The following E2F3 variants were observed in gnomAD, a reference collection of about 807,000 sequenced individuals.
E2F3 encodes the protein E2F transcription factor 3, also known as transcription factor E2F3.
In E2F3, 11 loss-of-function variants were observed where a neutral mutation model predicts 44.4. The observed-to-expected ratio is 0.25, with a 90% confidence interval of 0.16 to 0.41. E2F3 has a LOEUF of 0.41. E2F3 is among the 10% of genes least tolerant of loss of function. E2F3 has a pLI of 1.00. For missense variants in E2F3, 487 were observed against 583.6 expected (o/e 0.83, Z 1.70); for synonymous variants, 249 against 253.0 (o/e 0.98, Z 0.15).
intron 1 of E2F3, among the ~76,000 whole-genome samples, chr6:20,438,840 C>T (rs1179781422): frequency 3.3e-5 from 5 of 152,116 alleles, no homozygotes; most frequent in East Asian, 3.8e-4. Context: ...AGACCCCAGC[C>T]GGAGTAATTG....
chr6:20,465,471 T>TTTA (rs1761670119), intron 1 of E2F3, among the ~76,000 whole-genome samples: 1 of 152,230 alleles, frequency 6.6e-6, no homozygotes, highest in Non-Finnish European at 1.5e-5. Flanking sequence ...CCCAATTTTT[T>TTTA]TTATTTTCCA....
intron 1 of E2F3, among the ~76,000 whole-genome samples, chr6:20,420,801 T>C (rs1760001759): frequency 1.3e-5 from 2 of 152,206 alleles, no homozygotes; most frequent in South Asian, 4.1e-4. Context: ...CTGTGGCAAT[T>C]TCTTCACATA....
chr6:20,465,239 CCTGA>C (rs1171532618), intron 1 of E2F3, among the ~76,000 whole-genome samples: 1 of 152,216 alleles, frequency 6.6e-6, no homozygotes, highest in Non-Finnish European at 1.5e-5. Flanking sequence ...GATTAATCTG[CCTGA>C]CTATTGCCCC....
At chr6:20,420,353 T>C (rs1201805660) in intron 1 of E2F3, among the ~76,000 whole-genome samples, 1 of 152,218 alleles carries the variant, frequency 6.6e-6, no homozygotes, top group Non-Finnish European at 1.5e-5. Flanking sequence ...TTGAATTCTT[T>C]ATCATTTTTG....
chr6:20,412,979 T>G (rs958963220), intron 1 of E2F3, among the ~76,000 whole-genome samples: 1 of 152,190 alleles, frequency 6.6e-6, no homozygotes, highest in African/African-American at 2.4e-5. Flanking sequence ...ATTATCCACA[T>G]AACAACCTAT....
intron 1 of E2F3, among the ~76,000 whole-genome samples, chr6:20,446,285 A>G (rs904962187): frequency 2.0e-5 from 3 of 152,200 alleles, no homozygotes; most frequent in African/African-American, 7.2e-5. Context: ...ATCTGACTTA[A>G]AAGTCCAGGA....
chr6:20,431,849 C>T (rs559676322), intron 1 of E2F3, among the ~76,000 whole-genome samples: 1 of 152,316 alleles, frequency 6.6e-6, no homozygotes, highest in East Asian at 1.9e-4. Flanking sequence ...TGGGTGGCTT[C>T]AACAGCAGAA....
intron 1 of E2F3, among the ~76,000 whole-genome samples, chr6:20,473,770 C>G (rs1761963532): frequency 6.6e-6 from 1 of 152,146 alleles, no homozygotes. Context: ...TGAAAAGAAC[C>G]CAGTACTTTC....
At chr6:20,488,274 G>C (rs756305879) in intron 6 of E2F3, 26 bp downstream of exon 6, 2 of 1,562,816 alleles carry the variant, frequency 1.3e-6, no homozygotes, top group Non-Finnish European at 1.7e-6. Flanking sequence ...TTGTCTTTTA[G>C]AAACTATGTT....
At chr6:20,461,970 G>C (rs909231789) in intron 1 of E2F3, among the ~76,000 whole-genome samples, 18 of 152,144 alleles carry the variant, frequency 1.2e-4, no homozygotes, top group African/African-American at 3.6e-4. Context: ...GTGTGAGAAG[G>C]CTATTTCATT....
At chr6:20,424,210 G>GGTATGTGTGTGTGT (rs58738322) in intron 1 of E2F3, among the ~76,000 whole-genome samples, 8,714 of 136,890 alleles carry the variant, frequency 0.064, 402 homozygotes, top group East Asian at 0.18. Context: ...TCAGTGGAAG[G>GGTATGTGTGTGTGT]GTGTGTGTGT....
chr6:20,407,088 G>C (rs963912028), intron 1 of E2F3, among the ~76,000 whole-genome samples: 5 of 152,128 alleles, frequency 3.3e-5, no homozygotes, highest in Admixed American at 2.0e-4. Context: ...AGAACCATAG[G>C]TGCTATTTCA....
chr6:20,446,687 TC>T (rs2127598582), intron 1 of E2F3, among the ~76,000 whole-genome samples: 1 of 152,278 alleles, frequency 6.6e-6, no homozygotes, highest in South Asian at 2.1e-4. Flanking sequence ...TGCCTCAGCC[TC>T]CCGAGTAGCT....
At chr6:20,423,832 G>C (rs1760112705) in intron 1 of E2F3, among the ~76,000 whole-genome samples, 1 of 151,168 alleles carries the variant, frequency 6.6e-6, no homozygotes, top group Admixed American at 6.6e-5. Context: ...GCAATGGCCT[G>C]ATCTTGGCTC....
chr6:20,450,442 C>T (rs551681893), intron 1 of E2F3, among the ~76,000 whole-genome samples: 3 of 152,214 alleles, frequency 2.0e-5, no homozygotes, highest in Admixed American at 6.5e-5. Flanking sequence ...AGTGTCTGCT[C>T]ATGTCCTTTG....
intron 1 of E2F3, among the ~76,000 whole-genome samples, chr6:20,420,891 G>A (rs1485954865): frequency 6.6e-6 from 1 of 152,150 alleles, no homozygotes; most frequent in Non-Finnish European, 1.5e-5. Flanking sequence ...CTATTTGATA[G>A]CATTTTTCCC....
chr6:20,460,305 T>C (rs1439150505), intron 1 of E2F3, among the ~76,000 whole-genome samples: 5 of 152,220 alleles, frequency 3.3e-5, no homozygotes, highest in African/African-American at 1.2e-4. Context: ...GTATATAGGA[T>C]GTATTAGCGT....
At position 20,402,617 on chromosome 6, in the gene E2F3, G is replaced by GGCC; in HGVS notation, c.386_388dup (p.Gly129_Pro130insArg). ...ACGCGGCGGCAGCGGCGGCGGCGGC[G>GGCC]GCCCTCCGGTAATACCCTCCCTCCC... is the stretch of plus-strand genomic sequence containing the variant. On this transcript the variant is annotated inframe_insertion, in exon 1 of 7. Transcript: ENST00000346618. The surrounding 1 kb of genome is among the most constrained non-coding windows in gnomAD (Gnocchi z 5.6). The GGCC allele has an allele frequency of 1.5e-6, 2 of 1,338,998 alleles. No individual in the cohort carries two copies. Among genetic ancestry groups the GGCC allele is most frequent in the South Asian group, 2.0e-5 (1 of 49,830 alleles). The allele number at this position is 1,338,998 out of a possible 1,614,324, so 82.9% of individuals were successfully genotyped here. A position where few individuals can be genotyped will look rare whatever the true frequency, so the allele number is the denominator to read the frequency against.
intron 1 of E2F3, among the ~76,000 whole-genome samples, chr6:20,468,722 C>A (rs1761794485): frequency 6.6e-6 from 1 of 152,184 alleles, no homozygotes; most frequent in Non-Finnish European, 1.5e-5. Context: ...CATCCTGAAG[C>A]CACCTAAGGG....
Sources: gnomAD v4.1 joint callset for allele counts (sites outside exome capture counted in the v4.1 genomes callset) on GRCh38, gnomAD v4.1.1 for gene constraint, Gnocchi (gnomAD v3.1) non-coding constraint, MANE v1.5 for transcripts, NCBI Gene and HGNC (gene_info 2026-07-23, HGNC 2026-07-21) for gene names.